Variants in CCSER1 observed in about 807,000 individuals in gnomAD.
The protein encoded by CCSER1 is serine-rich coiled-coil domain-containing protein 1.
A neutral mutation model predicts 82.0 loss-of-function variants in CCSER1; 41 were observed. The observed-to-expected ratio is 0.50, with a 90% CI of 0.39 to 0.65. The LOEUF (loss-of-function observed/expected upper bound fraction) is 0.65, where lower values mean the gene tolerates loss of function less well. Ranked by LOEUF, CCSER1 falls within the 30% of genes least tolerant of loss-of-function variation. The probability of loss-of-function intolerance (pLI) is 0.00; values close to 1 mark genes in which losing one functional copy is unlikely to be tolerated. For missense variants in CCSER1, 1,119 were observed against 1,064.2 expected (o/e 1.05, Z -0.72); for synonymous variants, 414 against 383.9 (o/e 1.08, Z -0.92).
At chr4:91,507,934 A>G (rs1224761015) in intron 10 of CCSER1, among the ~76,000 whole-genome samples, 3 of 150,648 alleles carry the variant, frequency 2.0e-5, no homozygotes, top group South Asian at 2.1e-4. Flanking sequence ...GTATCCCACA[A>G]CATATCTGAG....
At chr4:91,453,012 TTAAA>T (rs1318640536) in intron 10 of CCSER1, among the ~76,000 whole-genome samples, 1 of 152,084 alleles carries the variant, frequency 6.6e-6, no homozygotes, top group Non-Finnish European at 1.5e-5. Context: ...TTACTCTCTT[TTAAA>T]TGAAGTTACC....
intron 10 of CCSER1, among the ~76,000 whole-genome samples, chr4:91,250,386 GC>G (rs1347220923): frequency 6.6e-6 from 1 of 151,918 alleles, no homozygotes; most frequent in Non-Finnish European, 1.5e-5. Context: ...ACTTAGCAGA[GC>G]TAAAAAAGAA....
At chr4:91,410,486 C>T (rs1035233354) in intron 10 of CCSER1, among the ~76,000 whole-genome samples, 4 of 152,104 alleles carry the variant, frequency 2.6e-5, no homozygotes, top group Non-Finnish European at 5.9e-5. Flanking sequence ...ATGTACTGAG[C>T]ATGTATACCT....
intron 5 of CCSER1, among the ~76,000 whole-genome samples, chr4:90,589,343 A>AT (rs1203668885): frequency 6.6e-6 from 1 of 151,974 alleles, no homozygotes; most frequent in Non-Finnish European, 1.5e-5. Context: ...AGGGTTTATA[A>AT]TTTTTTTGTT....
At chr4:90,144,150 T>C (rs1265969431) in intron 1 of CCSER1, among the ~76,000 whole-genome samples, 1 of 152,218 alleles carries the variant, frequency 6.6e-6, no homozygotes, top group Non-Finnish European at 1.5e-5. Flanking sequence ...TCTCAAAATT[T>C]GGATTTGTTT....
chr4:91,318,978 A>G (rs1746009664), intron 10 of CCSER1: 1 of 163,442 alleles, frequency 6.1e-6, no homozygotes, highest in Non-Finnish European at 1.4e-5. Flanking sequence ...CAGAGGGAGT[A>G]TGCCACACAG....
chr4:90,354,929 A>G (rs558927990), intron 3 of CCSER1, among the ~76,000 whole-genome samples: 3 of 152,160 alleles, frequency 2.0e-5, no homozygotes, highest in African/African-American at 7.2e-5. Context: ...TTTTGTAACT[A>G]GAAATAAATT....
chr4:91,093,200 G>A (rs6532275), intron 10 of CCSER1, among the ~76,000 whole-genome samples: 30,951 of 152,124 alleles, frequency 0.2, 3,569 homozygotes, highest in African/African-American at 0.29. Context: ...AGTTACCACC[G>A]CATATCCTGC....
rs78262579 is a variant in CCSER1, at chr4:91,484,722, C to T, written c.2218-113850C>T. Among the ~76,000 whole-genome samples the T allele has an allele frequency of 2.1e-3, 327 of 152,214 alleles. 8 individuals carry two copies. The East Asian group carries it at 0.057, about 26-fold the overall frequency. On this transcript the variant is annotated intron_variant, in intron 10 of 10. Transcript: ENST00000509176. The stretch of plus-strand genomic sequence containing the variant: ...GATTCTCAAAGTGTGATCCCCAAAA[C>T]AGTAGCATTAGCATCACCTACAAAT...
chr4:90,960,841 T>G (rs1581209710), intron 9 of CCSER1, among the ~76,000 whole-genome samples: 1 of 152,188 alleles, frequency 6.6e-6, no homozygotes, highest in Admixed American at 6.6e-5. Flanking sequence ...TTTAGCACCT[T>G]AATATATGTT....
chr4:91,560,849 T>C (rs1162933807), intron 10 of CCSER1, among the ~76,000 whole-genome samples: 1 of 151,292 alleles, frequency 6.6e-6, no homozygotes, highest in Non-Finnish European at 1.5e-5. Flanking sequence ...GAACAACATA[T>C]TGTTCTTTAG....
chr4:90,971,320 T>C (rs75481673), intron 9 of CCSER1, among the ~76,000 whole-genome samples: 28 of 151,736 alleles, frequency 1.8e-4, no homozygotes, highest in African/African-American at 6.5e-4. Flanking sequence ...GAGAGCAAAG[T>C]TGGAAGTGCT....
intron 1 of CCSER1, among the ~76,000 whole-genome samples, chr4:90,157,953 C>G (rs1189182106): frequency 6.6e-6 from 1 of 152,154 alleles, no homozygotes; most frequent in Non-Finnish European, 1.5e-5. Context: ...AGGCGCTCTG[C>G]TTTTTAGAGT....
chr4:91,458,778 GTTTT>G (rs1202545474), intron 10 of CCSER1, among the ~76,000 whole-genome samples: 1 of 151,984 alleles, frequency 6.6e-6, no homozygotes, highest in Non-Finnish European at 1.5e-5. Flanking sequence ...AAATGGAATT[GTTTT>G]TTATTTTTCC....
chr4:91,225,162 A>G (rs1026722760), intron 10 of CCSER1, among the ~76,000 whole-genome samples: 1 of 91,032 alleles, frequency 1.1e-5, no homozygotes, highest in African/African-American at 4.6e-5. Flanking sequence ...TATGATATAT[A>G]TATGTGTGTG....
intron 10 of CCSER1, among the ~76,000 whole-genome samples, chr4:91,544,282 C>T (rs1284965581): frequency 6.6e-6 from 1 of 151,936 alleles, no homozygotes; most frequent in Non-Finnish European, 1.5e-5. Flanking sequence ...TTGTTACTAC[C>T]AATCGTCTGA....
chr4:90,777,702 A>G (rs574038748), intron 7 of CCSER1, among the ~76,000 whole-genome samples: 1 of 152,252 alleles, frequency 6.6e-6, no homozygotes, highest in Non-Finnish European at 1.5e-5. Flanking sequence ...ACTACTTTAA[A>G]CACATTAAAG....
In CCSER1 at chr4:90,951,575, G is replaced by A. The variant is rs570369354; in HGVS notation, c.2172+28128G>A. ...AGTATATTCTGTAGAAGGTTCACAA[G>A]GTTTTGTCAGAAGTCCAACATGATA... On this transcript the variant is annotated intron_variant, in intron 9 of 10. Transcript: ENST00000509176. Among the ~76,000 whole-genome samples the A allele has an allele frequency of 2.6e-5, 4 of 152,108 alleles. No homozygotes were observed. The South Asian group carries it at 8.3e-4, about 32-fold the overall frequency.
intron 1 of CCSER1, among the ~76,000 whole-genome samples, chr4:90,306,855 A>G (rs940758452): frequency 6.6e-6 from 1 of 152,220 alleles, no homozygotes; most frequent in African/African-American, 2.4e-5. Context: ...CAAAACAGCA[A>G]CCAAATCAGG....
Sources: allele counts gnomAD v4.1 joint callset (sites outside exome capture counted in the v4.1 genomes callset), GRCh38; gene constraint gnomAD v4.1.1; transcripts MANE v1.5; gene names NCBI Gene and HGNC (gene_info 2026-07-23, HGNC 2026-07-21).